Variants in MCTP2 observed in about 807,000 individuals in gnomAD.
The protein encoded by MCTP2 is multiple C2 and transmembrane domain-containing protein 2.
MCTP2 carries 132 observed loss-of-function variants against 111.6 expected under a neutral mutation model. That is an observed-to-expected ratio of 1.18 (90% CI 1.03 to 1.37). MCTP2 has a LOEUF of 1.37. Among genes scored for constraint, MCTP2 ranks in the 40% most tolerant of loss-of-function variants. The probability of loss-of-function intolerance (pLI) is 0.00; values close to 1 mark genes in which losing one functional copy is unlikely to be tolerated. For missense variants in MCTP2, 1,183 were observed against 1,067.9 expected (o/e 1.11, Z -1.50); for synonymous variants, 395 against 387.7 (o/e 1.02, Z -0.22).
chr15:94,418,451 A>T (rs1017226700), intron 17 of MCTP2, among the ~76,000 whole-genome samples: 7 of 152,258 alleles, frequency 4.6e-5, no homozygotes, highest in Middle Eastern at 3.4e-3. Context: ...TATTTACCAA[A>T]ATCAGACTTT....
intron 17 of MCTP2, among the ~76,000 whole-genome samples, chr15:94,437,028 A>G (rs1375789101): frequency 3.9e-4 from 59 of 151,960 alleles, no homozygotes; most frequent in Non-Finnish European, 1.8e-4. Context: ...AACAGATTAT[A>G]TATTTGACAT....
intron 4 of MCTP2, among the ~76,000 whole-genome samples, chr15:94,317,377 G>C (rs546529158): frequency 4.6e-5 from 7 of 152,272 alleles, no homozygotes; most frequent in African/African-American, 1.7e-4. Context: ...AGGGTGAGCC[G>C]GTAGTTCAGG....
At chr15:94,467,566 CT>C (rs968130815) in intron 20 of MCTP2, among the ~76,000 whole-genome samples, 1 of 151,622 alleles carries the variant, frequency 6.6e-6, no homozygotes, top group South Asian at 2.1e-4. Flanking sequence ...GTATTCTCAC[CT>C]TTTTTTTAAA....
intron 8 of MCTP2, among the ~76,000 whole-genome samples, chr15:94,349,389 C>G (rs1236549736): frequency 6.6e-6 from 1 of 152,168 alleles, no homozygotes; most frequent in East Asian, 1.9e-4. Flanking sequence ...TGCGGTAGAA[C>G]CTGTCCTTGG....
chr15:94,472,616 G>C (rs12440693), intron 21 of MCTP2, among the ~76,000 whole-genome samples: 2 of 151,948 alleles, frequency 1.3e-5, no homozygotes, highest in Admixed American at 1.3e-4. Flanking sequence ...TGCTCTCTTG[G>C]GCTGTCAGTA....
intron 20 of MCTP2, among the ~76,000 whole-genome samples, chr15:94,467,808 T>A (rs1031597968): frequency 7.9e-5 from 12 of 152,168 alleles, no homozygotes; most frequent in Non-Finnish European, 1.8e-4. Context: ...TATTGTAAAA[T>A]TGCCCTCCAA....
At chr15:94,390,733 T>TC (rs1567605200) in intron 14 of MCTP2, among the ~76,000 whole-genome samples, 17 of 144,908 alleles carry the variant, frequency 1.2e-4, no homozygotes, top group East Asian at 7.8e-4. Flanking sequence ...TTCTTTTTTT[T>TC]TTTTTTTTTT....
chr15:94,376,084 C>T (rs1349501357), intron 12 of MCTP2, among the ~76,000 whole-genome samples: 2 of 152,122 alleles, frequency 1.3e-5, no homozygotes, highest in Non-Finnish European at 2.9e-5. Flanking sequence ...TACTGCAGGA[C>T]ATGAGGTGTA....
intron 20 of MCTP2, among the ~76,000 whole-genome samples, chr15:94,459,336 A>T (rs1272358371): frequency 6.6e-6 from 1 of 152,194 alleles, no homozygotes; most frequent in African/African-American, 2.4e-5. Flanking sequence ...TCAATAAATG[A>T]TATTAACATC....
At chr15:94,400,516 T>G (rs1226909206) in intron 16 of MCTP2, among the ~76,000 whole-genome samples, 1 of 152,102 alleles carries the variant, frequency 6.6e-6, no homozygotes, top group Non-Finnish European at 1.5e-5. Flanking sequence ...GAATGCAAGT[T>G]CTCTCCCTCT....
intron 17 of MCTP2, among the ~76,000 whole-genome samples, chr15:94,406,859 T>C (rs1036497892): frequency 3.0e-5 from 2 of 65,836 alleles, no homozygotes; most frequent in Non-Finnish European, 5.6e-5. Flanking sequence ...TTTTCAGTTG[T>C]TTTTTTTTTT....
At chr15:94,432,452 C>T (rs1418898144) in intron 17 of MCTP2, among the ~76,000 whole-genome samples, 1 of 152,162 alleles carries the variant, frequency 6.6e-6, no homozygotes, top group Non-Finnish European at 1.5e-5. Context: ...CACCTGGTTA[C>T]TTTGACCAAT....
In MCTP2 at chr15:94,479,153, TCTGTATACTTCCTCCTC is replaced by T. The variant is rs201771273; in HGVS notation, c.*122_*138del. The T allele has an allele frequency of 4.4e-5, 39 of 890,916 alleles. No individual in the cohort carries two copies. In the East Asian group the frequency reaches 9.4e-4, roughly 21 times the overall value. The allele number at this position is 890,916 out of a possible 1,614,324, so 55.2% of individuals were successfully genotyped here. On this transcript the variant is annotated 3_prime_UTR_variant, in exon 23 of 23. Coordinates refer to ENST00000357742, the MANE Select transcript of MCTP2 (RefSeq NM_001385001.1). ...CTGAAATGCATGCCCTGTGGCACCCTCTGTATACTTCCTCCTCCTTCACGTGCACAGACATACACACA... is the reference window on the plus strand; with the variant it reads ...CTGAAATGCATGCCCTGTGGCACCCTCTTCACGTGCACAGACATACACACA...
intron 21 of MCTP2, 47 bp from the exon 22 acceptor site, chr15:94,476,649 T>TAGATAGATAGAC (rs756773056): frequency 7.7e-5 from 57 of 736,802 alleles, no homozygotes; most frequent in African/African-American, 7.0e-4. Flanking sequence ...GATAGATAGA[T>TAGATAGATAGAC]AGACAGACAG....
chr15:94,468,851 C>T (rs1389173004), intron 20 of MCTP2, among the ~76,000 whole-genome samples: 3 of 152,070 alleles, frequency 2.0e-5, no homozygotes, highest in Non-Finnish European at 4.4e-5. Context: ...TGGTCTTGAA[C>T]TTCTGAGCTC....
intron 1 of MCTP2, among the ~76,000 whole-genome samples, chr15:94,252,089 CA>C (rs2072471533): frequency 6.6e-6 from 1 of 152,184 alleles, no homozygotes; most frequent in Non-Finnish European, 1.5e-5. Flanking sequence ...CATCGGTGTA[CA>C]ATTATTTAAG....
intron 1 of MCTP2, chr15:94,273,592 C>A: frequency 4.9e-6 from 1 of 203,874 alleles, no homozygotes; most frequent in South Asian, 1.0e-4. Context: ...CATGTCGTCC[C>A]TGCTCTCCAA....
Position 94,478,974 on chromosome 15 carries a change from T to A in MCTP2, c.2577T>A (p.Tyr859Ter). The change falls in exon 23 of 23, where the codon TAT becomes TAA. Residue 859 changes from tyrosine (Y) to a stop codon, truncating the protein, a stop_gained. Transcript: ENST00000357742. LOFTEE classifies it high-confidence loss of function. ...GCTATTTGTTTTCACAGGTGCAGTA[T>A]GCAGAATTGAAACTCTGCAGCAGCC... ...RVPSDVQKVQYAELKLCSSHS... is the reference protein window; with the variant it reads ...RVPSDVQKVQ 1.2e-6 allele frequency: 2 copies of A among 1,614,046 alleles called. No individual in the cohort carries two copies. The highest frequency in any genetic ancestry group is 4.5e-5 in the East Asian group (2 of 44,860).
chr15:94,388,821 G>A (rs975091018), intron 14 of MCTP2, among the ~76,000 whole-genome samples: 4 of 152,214 alleles, frequency 2.6e-5, no homozygotes, highest in Non-Finnish European at 4.4e-5. Context: ...AAGTAATAGA[G>A]ACAGGATTTG....
Sources: gnomAD v4.1 joint callset for allele counts (sites outside exome capture counted in the v4.1 genomes callset) on GRCh38, gnomAD v4.1.1 for gene constraint, MANE v1.5 for transcripts, NCBI Gene and HGNC (gene_info 2026-07-23, HGNC 2026-07-21) for gene names.